Variants in RBFOX1 observed in about 807,000 individuals in gnomAD.
RBFOX1 encodes the protein RNA binding fox-1 homolog 1, also known as RNA binding protein fox-1 homolog 1.
RBFOX1 carries 8 observed loss-of-function variants against 57.7 expected under a neutral mutation model. That is an observed-to-expected ratio of 0.14 (90% CI 0.08 to 0.25). The LOEUF (loss-of-function observed/expected upper bound fraction) is 0.25. RBFOX1 is among the 10% of genes least tolerant of loss of function. RBFOX1 has a pLI of 1.00. For missense variants in RBFOX1, 611 were observed against 548.5 expected (o/e 1.11, Z -1.14); for synonymous variants, 326 against 222.4 (o/e 1.47, Z -4.15).
chr16:6,578,227 G>C (rs2097473711), intron 2 of RBFOX1, among the ~76,000 whole-genome samples: 1 of 152,146 alleles, frequency 6.6e-6, no homozygotes, highest in Non-Finnish European at 1.5e-5. Flanking sequence ...GGGAATGTGA[G>C]AAAACTTTTG....
intron 4 of RBFOX1, among the ~76,000 whole-genome samples, chr16:7,115,464 T>C (rs1225228127): frequency 6.6e-6 from 1 of 152,134 alleles, no homozygotes; most frequent in Non-Finnish European, 1.5e-5. Context: ...GGACTGAGAG[T>C]CCGAAAGCAT....
At chr16:5,242,880 T>G (rs1055765227) in intron 1 of RBFOX1, among the ~76,000 whole-genome samples, 5 of 151,548 alleles carry the variant, frequency 3.3e-5, no homozygotes, top group Admixed American at 2.6e-4. Flanking sequence ...AGGGGTTGCT[T>G]TATTTGGTGG....
At chr16:6,518,244 G>A in intron 2 of RBFOX1, among the ~76,000 whole-genome samples, 1 of 152,254 alleles carries the variant, frequency 6.6e-6, no homozygotes, top group South Asian at 2.1e-4. Flanking sequence ...CAAACACCAT[G>A]TACCATTTAA....
intron 3 of RBFOX1, among the ~76,000 whole-genome samples, chr16:6,825,895 C>T (rs922460192): frequency 6.6e-6 from 1 of 152,212 alleles, no homozygotes; most frequent in Non-Finnish European, 1.5e-5. Context: ...GGCAGCAAGA[C>T]TTTAGGAATC....
chr16:7,704,035 C>T (rs1037499593), intron 14 of RBFOX1, among the ~76,000 whole-genome samples: 1 of 152,182 alleles, frequency 6.6e-6, no homozygotes, highest in Admixed American at 6.5e-5. Flanking sequence ...TTCTTGAATG[C>T]ACCTTGAGTT....
chr16:5,629,229 C>G (rs1375160638), intron 3 of RBFOX1, among the ~76,000 whole-genome samples: 2 of 152,200 alleles, frequency 1.3e-5, no homozygotes, highest in African/African-American at 4.8e-5. Context: ...TTCTAGAATA[C>G]CTTCCCTCTA....
intron 1 of RBFOX1, among the ~76,000 whole-genome samples, chr16:5,373,521 C>G (rs1202066151): frequency 6.6e-6 from 1 of 152,146 alleles, no homozygotes; most frequent in African/African-American, 2.4e-5. Flanking sequence ...TCTTTGCCTT[C>G]CACCCCGATT....
chr16:7,696,865 C>T (rs929996779), intron 14 of RBFOX1, among the ~76,000 whole-genome samples: 1 of 152,056 alleles, frequency 6.6e-6, no homozygotes, highest in Non-Finnish European at 1.5e-5. Context: ...ACGTGTGACC[C>T]ATGAAACATA....
In RBFOX1 at chr16:5,529,389, CTTT is replaced by C. The variant is rs56820577; in HGVS notation, c.258+62153_258+62155del. Among the ~76,000 whole-genome samples, 394 of 130,908 alleles carry C rather than the reference CTTT, an allele frequency of 3.0e-3. 4 individuals are homozygous for C. Among genetic ancestry groups the C allele is most frequent in the African/African-American group, 9.3e-3 (332 of 35,888 alleles). 85.9% of individuals were successfully genotyped at this position (130,908 alleles called of 152,430 possible). A position where few individuals can be genotyped will look rare whatever the true frequency, so the allele number is the denominator to read the frequency against. On this transcript the variant is annotated intron_variant, in intron 2 of 2. Coordinates refer to the RBFOX1 transcript ENST00000585867. ...GACCCCAATCCAGTATGGCCAGTGTCTTTTTTTTTTTTTTTTTTTTAATTTGAG... is the reference window on the plus strand; with the variant it reads ...GACCCCAATCCAGTATGGCCAGTGTCTTTTTTTTTTTTTTTTTAATTTGAG...
chr16:6,992,210 C>G (rs1312266330), intron 3 of RBFOX1, among the ~76,000 whole-genome samples: 1 of 150,664 alleles, frequency 6.6e-6, no homozygotes, highest in Non-Finnish European at 1.5e-5. Flanking sequence ...GTTGCACAGG[C>G]TGGAGTGCAG....
intron 3 of RBFOX1, among the ~76,000 whole-genome samples, chr16:6,944,152 T>A (rs2079046031): frequency 6.6e-6 from 1 of 151,334 alleles, no homozygotes; most frequent in African/African-American, 2.4e-5. Context: ...ATCCCAGCAT[T>A]TTGGGAGGCT....
chr16:7,015,350 C>G (rs2093856397), intron 3 of RBFOX1, among the ~76,000 whole-genome samples: 1 of 151,990 alleles, frequency 6.6e-6, no homozygotes, highest in Admixed American at 6.6e-5. Context: ...GGCTTCTTAG[C>G]CTTTTCTGGG....
At chr16:6,184,250 G>C (rs1408806330) in intron 1 of RBFOX1, among the ~76,000 whole-genome samples, 1 of 152,158 alleles carries the variant, frequency 6.6e-6, no homozygotes, top group African/African-American at 2.4e-5. Context: ...TTTGGGTGGG[G>C]ACACAGCCAA....
At chr16:7,260,341 G>T (rs1415591799) in intron 4 of RBFOX1, among the ~76,000 whole-genome samples, 2 of 152,222 alleles carry the variant, frequency 1.3e-5, no homozygotes, top group African/African-American at 4.8e-5. Context: ...TGTGTGTTTT[G>T]TTAAAATTTT....
chr16:6,974,592 A>G (rs2086378228), intron 3 of RBFOX1, among the ~76,000 whole-genome samples: 1 of 151,532 alleles, frequency 6.6e-6, no homozygotes, highest in Non-Finnish European at 1.5e-5. Context: ...TGATCTGCCC[A>G]CCTCGGCCTC....
chr16:5,474,848 C>G (rs1207961518), intron 2 of RBFOX1, among the ~76,000 whole-genome samples: 1 of 152,106 alleles, frequency 6.6e-6, no homozygotes, highest in African/African-American at 2.4e-5. Flanking sequence ...CGTACATATT[C>G]TGAGCCCATG....
At chr16:5,436,760 C>T (rs957390844) in intron 1 of RBFOX1, among the ~76,000 whole-genome samples, 1 of 152,036 alleles carries the variant, frequency 6.6e-6, no homozygotes, top group African/African-American at 2.4e-5. Flanking sequence ...ATCACTTGAA[C>T]CCAGGAAGCG....
At position 5,353,404 on chromosome 16, in the gene RBFOX1, A is replaced by C. The variant is rs940510443; in HGVS notation, c.219+113299A>C. Among the ~76,000 whole-genome samples, 3 of 150,110 alleles carry C rather than the reference A, an allele frequency of 2.0e-5. No homozygotes were observed. The East Asian group carries it at 5.9e-4, about 30-fold the overall frequency. ...AAAAAAAAAGACTTCTTTGCTATGG[A>C]GGAGTTCCCCAGCCCTCCCCTCTTC... On this transcript the variant is annotated intron_variant, in intron 1 of 2. Coordinates refer to the RBFOX1 transcript ENST00000585867.
chr16:6,047,251 T>G (rs912098360), intron 1 of RBFOX1, among the ~76,000 whole-genome samples: 1 of 152,214 alleles, frequency 6.6e-6, no homozygotes, highest in Non-Finnish European at 1.5e-5. Flanking sequence ...TGCCAGCCCA[T>G]GAGGTTAGCC....
Sources: allele counts gnomAD v4.1 joint callset (sites outside exome capture counted in the v4.1 genomes callset), GRCh38; gene constraint gnomAD v4.1.1; transcripts MANE v1.5; gene names NCBI Gene and HGNC (gene_info 2026-07-23, HGNC 2026-07-21).